The following SCUBE2 variants were observed in gnomAD, a reference collection of about 807,000 sequenced individuals.
The protein encoded by SCUBE2 is signal peptide, CUB and EGF-like domain-containing protein 2.
SCUBE2 carries 114 observed loss-of-function variants against 125.9 expected under a neutral mutation model. The ratio of observed to expected loss-of-function variants is 0.91; its 90% CI spans 0.78 to 1.06. The LOEUF (loss-of-function observed/expected upper bound fraction) is 1.06. Among genes scored for constraint, SCUBE2 ranks in the 50% least tolerant of loss-of-function variants. The pLI is 0.00. For missense variants in SCUBE2, 1,255 were observed against 1,301.8 expected (o/e 0.96, Z 0.55); for synonymous variants, 459 against 492.9 (o/e 0.93, Z 0.91).
At chr11:9,046,258 T>G (rs1857756232) in intron 16 of SCUBE2, among the ~76,000 whole-genome samples, 1 of 152,064 alleles carries the variant, frequency 6.6e-6, no homozygotes, top group Admixed American at 6.5e-5. Flanking sequence ...TCTGCCCGCC[T>G]TGGCCTCCCA....
chr11:9,062,105 G>A lies in SCUBE2; in HGVS notation c.851-1581C>T, dbSNP rs57691402. ...AAGGGCACCAGGAATAGCAGAGGAG[G>A]AGAGGGTGTCACCATCAGGTGAAAG... is the stretch of plus-strand genomic sequence containing the variant. On this transcript the variant is annotated intron_variant, in intron 7 of 22. Coordinates refer to ENST00000649792, the MANE Select transcript of SCUBE2 (RefSeq NM_001367977.2). Among the ~76,000 whole-genome samples the A allele has an allele frequency of 5.2e-3, 786 of 152,344 alleles. 13 individuals carry two copies. The highest frequency in any genetic ancestry group is 0.018 in the African/African-American group (763 of 41,574).
At chr11:9,050,834 C>T in intron 13 of SCUBE2, 124 bp from the exon 14 acceptor site, 2 of 748,418 alleles carry the variant, frequency 2.7e-6, no homozygotes, top group Non-Finnish European at 2.4e-6. Context: ...AGACCCTCTC[C>T]TACCCTGAGG....
intron 17 of SCUBE2, among the ~76,000 whole-genome samples, chr11:9,031,937 T>C (rs1856341641): frequency 6.6e-6 from 1 of 152,164 alleles, no homozygotes; most frequent in Admixed American, 6.5e-5. Flanking sequence ...CTGTCAGACC[T>C]GGGTTCTGAT....
chr11:9,038,829 T>C (rs1209165711), intron 16 of SCUBE2, among the ~76,000 whole-genome samples: 1 of 152,192 alleles, frequency 6.6e-6, no homozygotes, highest in Non-Finnish European at 1.5e-5. Context: ...CCAAAGTATG[T>C]TGGAGGTTTG....
chr11:9,059,600 T>C, intron 8 of SCUBE2, 175 bp from the exon 9 acceptor site: 1 of 812,768 alleles, frequency 1.2e-6, no homozygotes, highest in Non-Finnish European at 1.8e-6. Flanking sequence ...CTTATCTGGC[T>C]TAACCAGTTT....
At chr11:9,080,889 C>T (rs1282850132) in intron 2 of SCUBE2, among the ~76,000 whole-genome samples, 2 of 152,010 alleles carry the variant, frequency 1.3e-5, no homozygotes, top group Non-Finnish European at 2.9e-5. Flanking sequence ...ACTCTTACAA[C>T]TCAATAAGAA....
intron 21 of SCUBE2, among the ~76,000 whole-genome samples, chr11:9,023,466 C>G (rs1296883538): frequency 3.3e-5 from 5 of 152,144 alleles, no homozygotes; most frequent in Admixed American, 1.3e-4. Context: ...TGGGACTTAC[C>G]ATTAAGAATG....
intron 16 of SCUBE2, among the ~76,000 whole-genome samples, chr11:9,034,653 C>G (rs1470369175): frequency 6.6e-6 from 1 of 152,046 alleles, no homozygotes; most frequent in East Asian, 1.9e-4. Flanking sequence ...GATCTCAAGA[C>G]CCTTACAAAA....
chr11:9,025,750 C>T lies in SCUBE2; in HGVS notation c.2806G>A (p.Glu936Lys). 1 of 1,614,180 alleles carries T rather than the reference C, an allele frequency of 6.2e-7. No individual in the cohort carries two copies. Among genetic ancestry groups the T allele is most frequent in the Non-Finnish European group, 8.5e-7 (1 of 1,180,036 alleles). Residue 936 changes from glutamate (E) to lysine (K), a missense_variant, in exon 21 of 23, where the codon GAA becomes AAA. Coordinates refer to ENST00000649792, the MANE Select transcript of SCUBE2 (RefSeq NM_001367977.2). ...TGGAACCCTCTAGCGCTGTTCCCTT[C>T]ATTGGACTTGAACTGAATCCACAGC... ...KKLWIQFKSN[E>K]GNSARGFQVP...
At chr11:9,029,552 A>G (rs1856101618) in intron 19 of SCUBE2, among the ~76,000 whole-genome samples, 1 of 152,246 alleles carries the variant, frequency 6.6e-6, no homozygotes, top group Non-Finnish European at 1.5e-5. Flanking sequence ...ATATCAACCA[A>G]GTCCCAGCAG....
chr11:9,045,372 T>C (rs182160002), intron 16 of SCUBE2, among the ~76,000 whole-genome samples: 1 of 152,208 alleles, frequency 6.6e-6, no homozygotes, highest in Admixed American at 6.5e-5. Context: ...GAAAACTAAA[T>C]TTAAAATATT....
chr11:9,051,721 G>A (rs1000828058), intron 13 of SCUBE2, among the ~76,000 whole-genome samples: 5 of 152,158 alleles, frequency 3.3e-5, no homozygotes, highest in African/African-American at 1.2e-4. Context: ...ATATTACCAG[G>A]CTGTTGTAAG....
chr11:9,029,804 C>G, intron 19 of SCUBE2, 80 bp downstream of exon 19: 2 of 1,501,332 alleles, frequency 1.3e-6, no homozygotes, highest in Non-Finnish European at 1.8e-6. Context: ...GGACCTCTGC[C>G]CCGTGCCCCC....
intron 21 of SCUBE2, chr11:9,024,437 G>A (rs978212664): frequency 4.1e-5 from 52 of 1,278,954 alleles, no homozygotes; most frequent in East Asian, 2.2e-4. Flanking sequence ...ATGATGATCC[G>A]TGCTTTTGTT....
intron 17 of SCUBE2, among the ~76,000 whole-genome samples, chr11:9,032,629 A>G (rs1332305245): frequency 3.9e-5 from 6 of 152,134 alleles, no homozygotes; most frequent in Non-Finnish European, 7.4e-5. Context: ...GCTTCTCTGG[A>G]GGCTGAGGCA....
intron 21 of SCUBE2, among the ~76,000 whole-genome samples, chr11:9,022,956 C>T (rs72856027): frequency 0.11 from 17,292 of 151,956 alleles, 1,093 homozygotes; most frequent in South Asian, 0.23. Flanking sequence ...TTGAATGGGG[C>T]TGGAGGGTGG....
Position 9,033,754 on chromosome 11 carries a change from C to T in SCUBE2, c.2045G>A (p.Arg682His), listed in dbSNP as rs766168620. 1.1e-5 allele frequency: 18 copies of T among 1,613,992 alleles called. 1 individual carries two copies. The highest frequency in any genetic ancestry group is 1.6e-4 in the Middle Eastern group (1 of 6,084). ...AGTYYDGARE[R>H]CILCPNGTFQ... The stretch of plus-strand genomic sequence containing the variant: ...GGTTCCATTTGGACATAAAATGCAG[C>T]GTTCTCGTGCTCCATCATAATAGGT... Residue 682 changes from arginine (R) to histidine (H), a missense_variant, in exon 17 of 23, where the codon CGC (arginine) becomes CAC (histidine). Around this residue, in one of 3 missense-constraint regions of SCUBE2, gnomAD observed 515 missense variants for 515.7 expected, o/e 1.00. Transcript: ENST00000649792.
At chr11:9,058,594 TCAA>T (rs1859344259) in intron 9 of SCUBE2, among the ~76,000 whole-genome samples, 1 of 35,258 alleles carries the variant, frequency 2.8e-5, no homozygotes, top group South Asian at 1.4e-3. Context: ...AGACTCTGTC[TCAA>T]AAAAAAAAAA....
intron 16 of SCUBE2, among the ~76,000 whole-genome samples, chr11:9,046,544 G>A (rs1857797273): frequency 6.6e-6 from 1 of 152,150 alleles, no homozygotes; most frequent in Non-Finnish European, 1.5e-5. Context: ...CGGGGGAGGG[G>A]TGCAGTGTAA....
Sources: gnomAD v4.1 joint callset for allele counts (sites outside exome capture counted in the v4.1 genomes callset) on GRCh38, gnomAD v4.1.1 for gene constraint, gnomAD v4.1.1 regional missense constraint, MANE v1.5 for transcripts, NCBI Gene and HGNC (gene_info 2026-07-23, HGNC 2026-07-21) for gene names.